The following ATP8B4 variants were observed in gnomAD, a reference collection of about 807,000 sequenced individuals.
ATP8B4 encodes the protein probable phospholipid-transporting ATPase IM.
In ATP8B4, 133 loss-of-function variants were observed where a neutral mutation model predicts 145.6. The ratio of observed to expected loss-of-function variants is 0.91; its 90% confidence interval spans 0.79 to 1.05. The LOEUF (loss-of-function observed/expected upper bound fraction) is 1.05, where lower values mean the gene tolerates loss of function less well. Ranked by LOEUF, ATP8B4 falls within the 50% of genes least tolerant of loss-of-function variation. The probability of loss-of-function intolerance (pLI) is 0.00; values close to 1 mark genes in which losing one functional copy is unlikely to be tolerated. For missense variants in ATP8B4, 1,458 were observed against 1,425.2 expected, an observed-to-expected ratio of 1.02 and a Z score of -0.37; for synonymous variants, 507 against 492.9, an observed-to-expected ratio of 1.03 and a Z score of -0.38.
chr15:50,096,073 A>C (rs757699849), intron 2 of ATP8B4, among the ~76,000 whole-genome samples: 2 of 152,222 alleles, frequency 1.3e-5, no homozygotes, highest in Non-Finnish European at 2.9e-5. Context: ...AGAAACCAAA[A>C]TAGAGGAGGA....
At chr15:50,144,370 G>T (rs898960209) in intron 1 of ATP8B4, among the ~76,000 whole-genome samples, 1 of 152,196 alleles carries the variant, frequency 6.6e-6, no homozygotes, top group Non-Finnish European at 1.5e-5. Flanking sequence ...CCTGAGACTG[G>T]GTAATTTGTA....
Position 50,136,386 on chromosome 15 carries a change from G to A in ATP8B4, c.-42-29378C>T, listed in dbSNP as rs183603143. Reference sequence around the variant, plus strand: ...TGTGGGCACTTCACAAATGCATTGTGTGCATCTATAAAATGTCAAAACATC... The same window carrying A: ...TGTGGGCACTTCACAAATGCATTGTATGCATCTATAAAATGTCAAAACATC... On this transcript the variant is annotated intron_variant, in intron 1 of 3. Coordinates refer to the ATP8B4 transcript ENST00000558829. Among the ~76,000 whole-genome samples the A allele has an allele frequency of 1.2e-4, 19 of 152,320 alleles. No homozygotes were observed. The East Asian group carries it at 3.7e-3, about 29-fold the overall frequency.
intron 1 of ATP8B4, among the ~76,000 whole-genome samples, chr15:50,145,244 G>A (rs1177909002): frequency 1.3e-5 from 2 of 152,116 alleles, no homozygotes; most frequent in Admixed American, 1.3e-4. Context: ...TTAACACTGG[G>A]CATAAAAATA....
chr15:49,931,112 A>T lies in ATP8B4; in HGVS notation c.1642+7T>A. 6.2e-7 allele frequency: 1 copy of T among 1,606,164 alleles called. No homozygotes were observed. The highest frequency in any genetic ancestry group is 8.5e-7 in the Non-Finnish European group (1 of 1,174,800). Reference sequence around the variant, plus strand: ...AGATCAAAAATAGTCTTAGCTACCAACCATACCTATGACAGACATCCTTTT... The same window carrying T: ...AGATCAAAAATAGTCTTAGCTACCATCCATACCTATGACAGACATCCTTTT... On this transcript the variant is annotated splice_region_variant and intron_variant, in intron 16 of 27. Transcript: ENST00000284509.
chr15:50,005,045 T>G (rs1182711022), intron 7 of ATP8B4, among the ~76,000 whole-genome samples: 1 of 152,152 alleles, frequency 6.6e-6, no homozygotes, highest in Non-Finnish European at 1.5e-5. Context: ...AGCGTGAATA[T>G]CCAAACTCAC....
At chr15:50,136,804 C>T (rs899470454) in intron 1 of ATP8B4, among the ~76,000 whole-genome samples, 1 of 152,180 alleles carries the variant, frequency 6.6e-6, no homozygotes, top group African/African-American at 2.4e-5. Flanking sequence ...AGACAAGTTA[C>T]CCTGTGTGTC....
At chr15:50,075,490 C>T (rs4505251) in intron 2 of ATP8B4, among the ~76,000 whole-genome samples, 133,100 of 152,198 alleles carry the variant, frequency 0.87, 58,465 homozygotes, top group East Asian at 0.98. Flanking sequence ...CTACCATTTG[C>T]AGGGTGTTTT....
intron 6 of ATP8B4, among the ~76,000 whole-genome samples, chr15:50,012,662 A>C (rs1164895168): frequency 6.6e-6 from 1 of 152,172 alleles, no homozygotes; most frequent in Non-Finnish European, 1.5e-5. Context: ...AGTTATCAGA[A>C]ACTGAACGAA....
chr15:50,083,608 G>T (rs2054699264), intron 2 of ATP8B4, among the ~76,000 whole-genome samples: 1 of 152,172 alleles, frequency 6.6e-6, no homozygotes, highest in Non-Finnish European at 1.5e-5. Context: ...ATAAAAGAAA[G>T]ACAGGCAAGA....
chr15:50,048,009 C>A (rs1403022299), intron 3 of ATP8B4, among the ~76,000 whole-genome samples: 2 of 152,102 alleles, frequency 1.3e-5, no homozygotes, highest in Non-Finnish European at 1.5e-5. Context: ...CTCCCTATAA[C>A]TTCTTTTTTT....
chr15:49,967,229 A>G (rs1353418789), intron 13 of ATP8B4, among the ~76,000 whole-genome samples: 2 of 152,198 alleles, frequency 1.3e-5, no homozygotes, highest in African/African-American at 4.8e-5. Context: ...AAGGATCACA[A>G]CTGCTCACCA....
At chr15:49,922,665 A>G (rs1253939223) in intron 17 of ATP8B4, among the ~76,000 whole-genome samples, 3 of 152,212 alleles carry the variant, frequency 2.0e-5, no homozygotes, top group African/African-American at 4.8e-5. Context: ...GATGCCCTTA[A>G]ATGGAACCAT....
chr15:50,000,562 T>C (rs2047804374), intron 8 of ATP8B4, among the ~76,000 whole-genome samples: 2 of 152,198 alleles, frequency 1.3e-5, no homozygotes, highest in African/African-American at 4.8e-5. Flanking sequence ...TTTTTACTAT[T>C]GAGTTTTAAG....
intron 1 of ATP8B4, among the ~76,000 whole-genome samples, chr15:50,173,364 C>T (rs1479141199): frequency 6.6e-6 from 1 of 151,976 alleles, no homozygotes; most frequent in African/African-American, 2.4e-5. Context: ...AATTATTCTG[C>T]CTTGGGATGC....
In ATP8B4 at chr15:49,945,228, G is replaced by A. The variant is rs564713740; in HGVS notation, c.1288-11046C>T. On this transcript the variant is annotated intron_variant, in intron 14 of 27. Transcript: ENST00000284509. ...ATTAAGAGAATCTTAAGAGACTTAC[G>A]AAAAGTTATAGACCAACAAAGTGGA... Among the ~76,000 whole-genome samples the A allele has an allele frequency of 2.6e-3, 401 of 152,072 alleles. 1 individual carries two copies. Among genetic ancestry groups the A allele is most frequent in the Non-Finnish European group, 4.9e-3 (331 of 67,942 alleles).
chr15:49,872,933 G>T (rs150300073), intron 25 of ATP8B4, among the ~76,000 whole-genome samples: 1 of 152,206 alleles, frequency 6.6e-6, no homozygotes, highest in African/African-American at 2.4e-5. Flanking sequence ...GGTGAGGTAA[G>T]ATGTTAATAT....
chr15:50,029,910 A>G (rs77781184), intron 6 of ATP8B4, among the ~76,000 whole-genome samples: 9,841 of 152,294 alleles, frequency 0.065, 357 homozygotes, highest in Non-Finnish European at 0.085. Context: ...CATGGAAGAA[A>G]TTAACCCATT....
At chr15:49,995,732 T>G (rs1249588837) in intron 9 of ATP8B4, among the ~76,000 whole-genome samples, 2 of 152,168 alleles carry the variant, frequency 1.3e-5, no homozygotes, top group Non-Finnish European at 2.9e-5. Context: ...AAACACATTT[T>G]GAAAGATTGT....
intron 14 of ATP8B4, among the ~76,000 whole-genome samples, chr15:49,959,021 G>C (rs2043832675): frequency 6.6e-6 from 1 of 151,720 alleles, no homozygotes; most frequent in South Asian, 2.1e-4. Context: ...TCCCAAAAAA[G>C]AACACTGCAG....
Sources: allele counts gnomAD v4.1 joint callset (sites outside exome capture counted in the v4.1 genomes callset), GRCh38; gene constraint gnomAD v4.1.1; transcripts MANE v1.5; gene names NCBI Gene and HGNC (gene_info 2026-07-23, HGNC 2026-07-21).